The following KIAA0586 variants were observed in gnomAD, a reference collection of about 807,000 sequenced individuals.
The protein encoded by KIAA0586 is protein TALPID3.
In KIAA0586, 144 loss-of-function variants were observed where a neutral mutation model predicts 169.8. That is an observed-to-expected ratio of 0.85 (90% CI 0.74 to 0.97). The LOEUF (loss-of-function observed/expected upper bound fraction) is 0.97, where lower values mean the gene tolerates loss of function less well. KIAA0586 is among the 50% of genes least tolerant of loss of function. The probability of loss-of-function intolerance (pLI) is 0.00; values close to 1 mark genes in which losing one functional copy is unlikely to be tolerated. For missense variants in KIAA0586, 1,854 were observed against 1,823.0 expected (o/e 1.02, Z -0.31); for synonymous variants, 625 against 612.4 (o/e 1.02, Z -0.30).
chr14:58,541,898 GA>G (rs1470416683), intron 30 of KIAA0586, among the ~76,000 whole-genome samples: 1 of 152,052 alleles, frequency 6.6e-6, no homozygotes, highest in Non-Finnish European at 1.5e-5. Flanking sequence ...AACAGCTGTT[GA>G]AACAATTACA....
intron 26 of KIAA0586, 83 bp from the exon 27 acceptor site, chr14:58,498,699 AT>A: frequency 8.6e-7 from 1 of 1,156,564 alleles, no homozygotes; most frequent in East Asian, 2.5e-5. Context: ...GTCAAAGGGT[AT>A]TGTTCATGAT....
Position 58,549,208 on chromosome 14 carries a change from T to G in KIAA0586, c.*1276T>G, listed in dbSNP as rs1217829187. 2 of 152,214 alleles carry G rather than the reference T, an allele frequency of 1.3e-5. No individual in the cohort carries two copies. The highest frequency in any genetic ancestry group is 2.9e-5 in the Non-Finnish European group (2 of 68,038). 9.4% of individuals were successfully genotyped at this position (152,214 alleles called of 1,614,324 possible). On this transcript the variant is annotated 3_prime_UTR_variant, in exon 31 of 31. Transcript: ENST00000652326. ...TCATCCTTGACTTTTTCAGCATTTT[T>G]GTAGGTTGCTAAGTGGATCTCAGCA...
At chr14:58,507,889 A>G (rs566052191) in intron 27 of KIAA0586, among the ~76,000 whole-genome samples, 5 of 152,126 alleles carry the variant, frequency 3.3e-5, no homozygotes, top group Middle Eastern at 3.4e-3. Flanking sequence ...GGTTCAAGCG[A>G]TTCTCCTGCC....
intron 19 of KIAA0586, among the ~76,000 whole-genome samples, chr14:58,476,276 T>A (rs2041615516): frequency 6.6e-6 from 1 of 152,226 alleles, no homozygotes; most frequent in South Asian, 2.1e-4. Flanking sequence ...TAATAATTTT[T>A]AAGAAGTCTA....
chr14:58,534,189 C>T (rs906051789), intron 29 of KIAA0586, among the ~76,000 whole-genome samples: 2 of 152,140 alleles, frequency 1.3e-5, no homozygotes, highest in Non-Finnish European at 2.9e-5. Context: ...GATACAGAGG[C>T]ACTTAGCTTC....
chr14:58,531,187 C>T (rs1275885872), intron 29 of KIAA0586, among the ~76,000 whole-genome samples: 3 of 150,966 alleles, frequency 2.0e-5, no homozygotes, highest in Non-Finnish European at 4.4e-5. Flanking sequence ...ATTAGCCGGG[C>T]ATGGTGGTGG....
At chr14:58,533,357 A>G (rs2046098577) in intron 29 of KIAA0586, among the ~76,000 whole-genome samples, 2 of 152,370 alleles carry the variant, frequency 1.3e-5, no homozygotes, top group East Asian at 1.9e-4. Context: ...TATCTTTGGC[A>G]AAAAGACCTG....
rs139718430 is a variant in KIAA0586 at position 58,451,473 on chromosome 14, C to T, written c.1129+727C>T. On this transcript the variant is annotated intron_variant, in intron 8 of 30. Transcript: ENST00000652326. Reference sequence around the variant, plus strand: ...AACTCCTGGGCTCAAGCGATCTGCCCGCCTCAGCCTCCCAAAGTGCTGGGA... The same window carrying T: ...AACTCCTGGGCTCAAGCGATCTGCCTGCCTCAGCCTCCCAAAGTGCTGGGA... Among the ~76,000 whole-genome samples, 475 of 151,970 alleles carry T rather than the reference C, an allele frequency of 3.1e-3. 5 individuals carry two copies. Among genetic ancestry groups the T allele is most frequent in the African/African-American group, 0.011 (451 of 41,466 alleles).
intron 9 of KIAA0586, among the ~76,000 whole-genome samples, chr14:58,454,105 T>C (rs975302627): frequency 2.0e-5 from 3 of 152,198 alleles, no homozygotes; most frequent in Non-Finnish European, 4.4e-5. Flanking sequence ...TAGTTCACTG[T>C]TCCTCCCTTA....
rs2044461315 is a variant in KIAA0586, at chr14:58,512,512, A to T, written c.4324-10A>T. 2 of 1,402,258 alleles carry T rather than the reference A, an allele frequency of 1.4e-6. No individual in the cohort carries two copies. The highest frequency in any genetic ancestry group is 1.9e-6 in the Non-Finnish European group (2 of 1,047,902). The allele number at this position is 1,402,258 out of a possible 1,614,324, so 86.9% of individuals were successfully genotyped here. A position where few individuals can be genotyped will look rare whatever the true frequency, so the allele number is the denominator to read the frequency against. ...AATAATATTATGACTTCATATCTTA[A>T]ATTATTTAGTACCAACTAAAGCAAA... On this transcript the variant is annotated splice_polypyrimidine_tract_variant and intron_variant, in intron 28 of 30. Transcript: ENST00000652326.
At chr14:58,440,659 C>G (rs534742724) in intron 4 of KIAA0586, among the ~76,000 whole-genome samples, 1 of 152,262 alleles carries the variant, frequency 6.6e-6, no homozygotes, top group African/African-American at 2.4e-5. Flanking sequence ...TTAAGTAAAT[C>G]TAAATGACCT....
At chr14:58,460,220 G>A in intron 13 of KIAA0586, 150 bp downstream of exon 13, 1 of 562,176 alleles carries the variant, frequency 1.8e-6, no homozygotes, top group Non-Finnish European at 3.1e-6. Context: ...TGATACTTAG[G>A]GTTTTGGATT....
chr14:58,560,912 A>G, the KIAA0586 span, among the ~76,000 whole-genome samples: 1 of 152,202 alleles, frequency 6.6e-6, no homozygotes, highest in Non-Finnish European at 1.5e-5. Context: ...TTGTAAGATG[A>G]ATGTACGACA....
At chr14:58,474,900 T>C in intron 19 of KIAA0586, 103 bp downstream of exon 19, 2 of 883,476 alleles carry the variant, frequency 2.3e-6, no homozygotes, top group Non-Finnish European at 3.3e-6. Flanking sequence ...TTTTGTTTAT[T>C]AAACTTTCTT....
At chr14:58,518,042 T>G (rs1955415652) in intron 29 of KIAA0586, among the ~76,000 whole-genome samples, 1 of 152,174 alleles carries the variant, frequency 6.6e-6, no homozygotes, top group Non-Finnish European at 1.5e-5. Context: ...ATATCTTGAT[T>G]GGGGTAGTGT....
intron 14 of KIAA0586, among the ~76,000 whole-genome samples, chr14:58,462,215 C>T (rs188620402): frequency 6.6e-6 from 1 of 150,510 alleles, no homozygotes; most frequent in Non-Finnish European, 1.5e-5. Context: ...GGTATTTACC[C>T]TGAAGTTTTC....
intron 29 of KIAA0586, chr14:58,521,402 G>A (rs1275627596): frequency 1.2e-6 from 1 of 860,668 alleles, no homozygotes. Context: ...ATGTTAATGA[G>A]AGAAATGCCC....
rs1188168257 is a variant in KIAA0586 at position 58,450,607 on chromosome 14, T to C, written c.990T>C (p.Ser330=). The C allele has an allele frequency of 1.9e-6, 3 of 1,609,090 alleles. No homozygotes were observed. The South Asian group carries it at 3.3e-5, about 18-fold the overall frequency. ...CTTTAAAAGAAGTTGAAGATACGAG[T>C]TTTGATAAACAGAAATCTCCTTTGG... The part of the protein sequence containing the change: ...QAPLKEVEDT[S]FDKQKSPLET... Residue 330 remains serine, a synonymous_variant, in exon 8 of 31, where the codon AGT becomes AGC. Transcript: ENST00000652326.
chr14:58,462,093 C>T (rs966353609), intron 14 of KIAA0586, among the ~76,000 whole-genome samples: 1 of 152,104 alleles, frequency 6.6e-6, no homozygotes, highest in Non-Finnish European at 1.5e-5. Context: ...TACTTTGGTT[C>T]CCTTTGCTTT....
Sources: gnomAD v4.1 joint callset for allele counts (sites outside exome capture counted in the v4.1 genomes callset) on GRCh38, gnomAD v4.1.1 for gene constraint, MANE v1.5 for transcripts, NCBI Gene and HGNC (gene_info 2026-07-23, HGNC 2026-07-21) for gene names.